Variants in FAM120A observed in about 807,000 individuals in gnomAD.
The protein encoded by FAM120A is constitutive coactivator of PPAR-gamma-like protein 1.
FAM120A carries 15 observed loss-of-function variants against 109.7 expected under a neutral mutation model. The observed-to-expected ratio is 0.14, with a 90% CI of 0.09 to 0.21. FAM120A has a LOEUF of 0.21. Among genes scored for constraint, FAM120A ranks in the 10% least tolerant of loss-of-function variants. The probability of loss-of-function intolerance (pLI) is 1.00; values close to 1 mark genes in which losing one functional copy is unlikely to be tolerated. For missense variants in FAM120A, 899 were observed against 1,439.3 expected, an observed-to-expected ratio of 0.62 and a Z score of 6.07; for synonymous variants, 493 against 572.8, an observed-to-expected ratio of 0.86 and a Z score of 1.99.
intron 5 of FAM120A, among the ~76,000 whole-genome samples, chr9:93,510,417 ATGT>A (rs748063004): frequency 1.7e-4 from 26 of 152,174 alleles, no homozygotes; most frequent in African/African-American, 5.8e-4. Context: ...AGGTTTATTA[ATGT>A]TGTATTTGTT....
intron 15 of FAM120A, among the ~76,000 whole-genome samples, chr9:93,559,641 C>T (rs1215590333): frequency 6.6e-6 from 1 of 152,228 alleles, no homozygotes; most frequent in East Asian, 1.9e-4. Flanking sequence ...TGCTACTCTG[C>T]TCTGTGACTG....
chr9:93,508,261 C>T lies in FAM120A; in HGVS notation c.1031-7406C>T, dbSNP rs961050515. ...GAAAAAGGTGCTAATCAGTACTAAG[C>T]AAAGAACAGATGCTACACAGTGATG... On this transcript the variant is annotated intron_variant, in intron 5 of 17. Coordinates refer to ENST00000277165, the MANE Select transcript of FAM120A (RefSeq NM_014612.5). 3.3e-5 allele frequency among the ~76,000 whole-genome samples: 5 copies of T among 152,292 alleles called. No homozygotes were observed. The East Asian group carries it at 9.6e-4, about 29-fold the overall frequency.
chr9:93,455,393 G>A (rs1469926244), intron 1 of FAM120A, among the ~76,000 whole-genome samples: 2 of 152,206 alleles, frequency 1.3e-5, no homozygotes, highest in African/African-American at 4.8e-5. Flanking sequence ...TCTTTGTGGA[G>A]TGATGGAACT....
At chr9:93,484,138 C>T (rs777636345) in intron 3 of FAM120A, among the ~76,000 whole-genome samples, 29 of 151,842 alleles carry the variant, frequency 1.9e-4, no homozygotes, top group Non-Finnish European at 2.4e-4. Context: ...CAGACGCAAA[C>T]TCCTGGGCTC....
chr9:93,504,989 T>C (rs10821145), intron 5 of FAM120A, among the ~76,000 whole-genome samples: 42,352 of 151,674 alleles, frequency 0.28, 7,024 homozygotes, highest in East Asian at 0.44. Context: ...TGAGAATCTT[T>C]ATGTTTATGG....
chr9:93,560,269 G>T (rs999088406), intron 15 of FAM120A, among the ~76,000 whole-genome samples: 1 of 152,062 alleles, frequency 6.6e-6, no homozygotes, highest in Non-Finnish European at 1.5e-5. Context: ...ACTCCAGCCT[G>T]GGTGACAGAG....
At chr9:93,496,836 A>G (rs1383029085) in intron 3 of FAM120A, among the ~76,000 whole-genome samples, 2 of 152,118 alleles carry the variant, frequency 1.3e-5, no homozygotes, top group African/African-American at 2.4e-5. Context: ...ACGTTTTTCT[A>G]GTGTCAGCTG....
chr9:93,508,858 A>G (rs1404749965), intron 5 of FAM120A, among the ~76,000 whole-genome samples: 1 of 152,248 alleles, frequency 6.6e-6, no homozygotes, highest in Non-Finnish European at 1.5e-5. Context: ...TTTTGAAAAT[A>G]CACACGATCT....
At chr9:93,486,431 G>T (rs1326651825) in intron 3 of FAM120A, among the ~76,000 whole-genome samples, 4 of 151,960 alleles carry the variant, frequency 2.6e-5, no homozygotes, top group Non-Finnish European at 5.9e-5. Context: ...GTTTTTATGT[G>T]GATGTTTTCA....
intron 5 of FAM120A, among the ~76,000 whole-genome samples, chr9:93,501,321 T>A (rs1048845838): frequency 2.6e-5 from 4 of 152,252 alleles, no homozygotes; most frequent in African/African-American, 9.6e-5. Flanking sequence ...GAAGATGTTT[T>A]GAATAGGCAA....
chr9:93,552,177 C>CT (rs1250928075), intron 12 of FAM120A, among the ~76,000 whole-genome samples: 1 of 152,222 alleles, frequency 6.6e-6, no homozygotes, highest in Non-Finnish European at 1.5e-5. Flanking sequence ...CCCACTAAGC[C>CT]TTATTCACCA....
At chr9:93,510,504 G>C (rs1322918826) in intron 5 of FAM120A, among the ~76,000 whole-genome samples, 2 of 152,144 alleles carry the variant, frequency 1.3e-5, no homozygotes, top group Non-Finnish European at 2.9e-5. Flanking sequence ...GTAGCGACCT[G>C]GTAGAGTTCT....
At chr9:93,483,923 C>A (rs1289360807) in intron 3 of FAM120A, among the ~76,000 whole-genome samples, 1 of 152,120 alleles carries the variant, frequency 6.6e-6, no homozygotes, top group Non-Finnish European at 1.5e-5. Context: ...TTGTTCATAT[C>A]TTCCAGTCTG....
intron 2 of FAM120A, among the ~76,000 whole-genome samples, chr9:93,473,615 T>C (rs903343176): frequency 6.6e-6 from 1 of 152,214 alleles, no homozygotes; most frequent in Non-Finnish European, 1.5e-5. Flanking sequence ...CCTGGCCACA[T>C]AATTTTTTAT....
At chr9:93,513,196 T>C (rs1860411757) in intron 5 of FAM120A, among the ~76,000 whole-genome samples, 1 of 152,242 alleles carries the variant, frequency 6.6e-6, no homozygotes, top group African/African-American at 2.4e-5. Context: ...AACCTGCCTA[T>C]CAGAATCACC....
intron 7 of FAM120A, among the ~76,000 whole-genome samples, chr9:93,523,006 A>C (rs1266812112): frequency 6.6e-6 from 1 of 152,230 alleles, no homozygotes; most frequent in East Asian, 1.9e-4. Context: ...TGAAGCTCGC[A>C]GAACCTCAGA....
intron 1 of FAM120A, among the ~76,000 whole-genome samples, chr9:93,454,021 G>T (rs1857429612): frequency 6.6e-6 from 1 of 152,172 alleles, no homozygotes; most frequent in East Asian, 1.9e-4. Context: ...TATCTTTAAA[G>T]AACTGTTGAG....
intron 16 of FAM120A, among the ~76,000 whole-genome samples, chr9:93,561,880 A>G (rs1362199415): frequency 6.6e-6 from 1 of 152,198 alleles, no homozygotes; most frequent in East Asian, 1.9e-4. Context: ...GATGTAGCTC[A>G]GGGGTAGAGC....
chr9:93,474,184 G>T (rs1318402358), intron 2 of FAM120A, among the ~76,000 whole-genome samples: 5 of 152,122 alleles, frequency 3.3e-5, no homozygotes, highest in Non-Finnish European at 7.4e-5. Flanking sequence ...TTTTGTTGTT[G>T]TTGTTGTTGT....
Sources: gnomAD v4.1 joint callset for allele counts (sites outside exome capture counted in the v4.1 genomes callset) on GRCh38, gnomAD v4.1.1 for gene constraint, MANE v1.5 for transcripts, NCBI Gene and HGNC (gene_info 2026-07-23, HGNC 2026-07-21) for gene names.